Variants in FGF12 observed in about 807,000 individuals in gnomAD.
The protein encoded by FGF12 is fibroblast growth factor 12, also known as fibroblast growth factor 12B.
FGF12 carries 14 observed loss-of-function variants against 23.6 expected under a neutral mutation model. The ratio of observed to expected loss-of-function variants is 0.59; its 90% CI spans 0.39 to 0.93. The LOEUF (loss-of-function observed/expected upper bound fraction) is 0.93, where lower values mean the gene tolerates loss of function less well. Among genes scored for constraint, FGF12 ranks in the 40% least tolerant of loss-of-function variants. The pLI is 0.00. For missense variants in FGF12, 175 were observed against 217.8 expected (o/e 0.80, Z 1.24); for synonymous variants, 62 against 77.3 (o/e 0.80, Z 1.04).
intron 4 of FGF12, among the ~76,000 whole-genome samples, chr3:192,209,558 C>T (rs1028284694): frequency 6.6e-6 from 1 of 152,112 alleles, no homozygotes; most frequent in African/African-American, 2.4e-5. Flanking sequence ...TAAACATGCA[C>T]AAGATGAATT....
At chr3:192,623,225 C>A (rs998834081) in intron 2 of FGF12, among the ~76,000 whole-genome samples, 4 of 152,152 alleles carry the variant, frequency 2.6e-5, no homozygotes, top group Non-Finnish European at 4.4e-5. Context: ...GAAGTCAGTA[C>A]CAAATGGACT....
intron 2 of FGF12, among the ~76,000 whole-genome samples, chr3:192,628,442 TACAC>T (rs60991895): frequency 0.21 from 27,748 of 134,638 alleles, 3,100 homozygotes; most frequent in Admixed American, 0.37. Flanking sequence ...ACCAAAGGAA[TACAC>T]ACACACACAC....
In FGF12 at chr3:192,514,284, C is replaced by T. The variant is rs974446744; in HGVS notation, c.14-153746G>A. On this transcript the variant is annotated intron_variant, in intron 2 of 5. Coordinates refer to ENST00000445105, the MANE Select transcript of FGF12 (RefSeq NM_004113.6). The surrounding 1 kb of genome is among the most constrained non-coding windows in gnomAD (Gnocchi z 4.9). ...TTTAAAAGTCCCCTCTCCTGTGGAA[C>T]GCACGAGCAACTTTTCGGAGACACT... Among the ~76,000 whole-genome samples the T allele has an allele frequency of 6.6e-6, 1 of 152,250 alleles. No individual in the cohort carries two copies. The highest frequency in any genetic ancestry group is 2.4e-5 in the African/African-American group (1 of 41,470).
chr3:192,205,454 T>C (rs1484774683), intron 4 of FGF12, among the ~76,000 whole-genome samples: 1 of 152,148 alleles, frequency 6.6e-6, no homozygotes, highest in Non-Finnish European at 1.5e-5. Flanking sequence ...TCAATTCCCT[T>C]CCCTCCTTGT....
intron 2 of FGF12, among the ~76,000 whole-genome samples, chr3:192,690,809 G>A (rs375253056): frequency 1.2e-4 from 18 of 151,962 alleles, no homozygotes. Flanking sequence ...GCTGACATGA[G>A]ACTCATTTCA....
intron 4 of FGF12, among the ~76,000 whole-genome samples, chr3:192,250,524 TAA>T (rs1233467647): frequency 3.3e-5 from 5 of 152,130 alleles, no homozygotes; most frequent in African/African-American, 1.2e-4. Flanking sequence ...AAAAATATAT[TAA>T]GATTTAAATA....
rs139802642 is a variant in FGF12 at position 192,701,350 on chromosome 3, G to A, written c.13+25831C>T. ...AACGTATAAAACCAAGCCGTAGCCC[G>A]ACCACTCTGGGCACATGTTCTTGGT... On this transcript the variant is annotated intron_variant, in intron 2 of 5. Coordinates refer to ENST00000445105, the MANE Select transcript of FGF12 (RefSeq NM_004113.6). Among the ~76,000 whole-genome samples, 377 of 152,206 alleles carry A rather than the reference G, an allele frequency of 2.5e-3. 3 individuals are homozygous for A. The highest frequency in any genetic ancestry group is 8.7e-3 in the African/African-American group (361 of 41,522).
intron 2 of FGF12, among the ~76,000 whole-genome samples, chr3:192,553,319 A>G (rs1359357321): frequency 6.6e-6 from 1 of 152,204 alleles, no homozygotes; most frequent in African/African-American, 2.4e-5. Context: ...AGAAAAATAT[A>G]TAACAGCAAT....
rs1178176242 is a variant in FGF12, at chr3:192,158,350, CTT to C, written c.427+12106_427+12107del. Among the ~76,000 whole-genome samples the C allele has an allele frequency of 6.5e-3, 628 of 96,200 alleles. 9 individuals carry two copies. Among genetic ancestry groups the C allele is most frequent in the East Asian group, 0.037 (119 of 3,190 alleles). 63.1% of individuals were successfully genotyped at this position (96,200 alleles called of 152,430 possible). On this transcript the variant is annotated intron_variant, in intron 5 of 5. Transcript: ENST00000445105. The stretch of plus-strand genomic sequence containing the variant: ...TTTCTTTCTCTTTCTTTCTTTCTTT[CTT>C]TCTTTCTTTCTTTCTTTCTTTCTTT...
At chr3:192,333,588 T>C (rs903541741) in intron 4 of FGF12, among the ~76,000 whole-genome samples, 2 of 152,060 alleles carry the variant, frequency 1.3e-5, no homozygotes, top group Admixed American at 6.6e-5. Flanking sequence ...TATAGCATAT[T>C]TATAGTGTAA....
intron 2 of FGF12, among the ~76,000 whole-genome samples, chr3:192,524,947 T>C (rs1409927002): frequency 6.6e-6 from 1 of 152,176 alleles, no homozygotes; most frequent in East Asian, 1.9e-4. Flanking sequence ...CATTTTGTCC[T>C]AATGCTACAA....
chr3:192,569,677 A>G (rs1340677159), intron 2 of FGF12, among the ~76,000 whole-genome samples: 3 of 152,244 alleles, frequency 2.0e-5, no homozygotes, highest in Non-Finnish European at 4.4e-5. Context: ...AAATTGAGAT[A>G]TAGAGAAGTT....
At chr3:192,407,982 G>C in intron 2 of FGF12, 2 of 1,540,182 alleles carry the variant, frequency 1.3e-6, no homozygotes, top group Non-Finnish European at 1.7e-6. Flanking sequence ...GGGAGAAAGA[G>C]GGCGTCCCCT....
intron 2 of FGF12, among the ~76,000 whole-genome samples, chr3:192,422,418 T>G (rs1267711435): frequency 6.6e-6 from 1 of 152,192 alleles, no homozygotes; most frequent in Non-Finnish European, 1.5e-5. Context: ...AAGCATTTTC[T>G]GTCATCTTCC....
chr3:192,502,744 G>C (rs543588647), intron 2 of FGF12, among the ~76,000 whole-genome samples: 42 of 152,328 alleles, frequency 2.8e-4, no homozygotes, highest in Non-Finnish European at 4.7e-4. Context: ...GTTGGAATGG[G>C]AGCAGGAATT....
chr3:192,267,330 T>C (rs1713143301), intron 4 of FGF12, among the ~76,000 whole-genome samples: 1 of 152,146 alleles, frequency 6.6e-6, no homozygotes, highest in African/African-American at 2.4e-5. Context: ...CAAAATACAA[T>C]GTGCAAGGTA....
intron 2 of FGF12, among the ~76,000 whole-genome samples, chr3:192,562,153 G>T (rs77842906): frequency 2.0e-5 from 3 of 152,070 alleles, no homozygotes; most frequent in African/African-American, 4.8e-5. Context: ...AAATAGTATA[G>T]ACTGAAAAAA....
intron 2 of FGF12, among the ~76,000 whole-genome samples, chr3:192,593,561 A>G (rs1174707583): frequency 6.6e-6 from 1 of 151,974 alleles, no homozygotes; most frequent in Non-Finnish European, 1.5e-5. Context: ...TGTTTGTAGG[A>G]TGAGTGAATG....
intron 4 of FGF12, among the ~76,000 whole-genome samples, chr3:192,186,880 C>G (rs531658067): frequency 1.3e-5 from 2 of 152,328 alleles, no homozygotes; most frequent in South Asian, 2.1e-4. Context: ...TACCAACACA[C>G]TCAAACATAG....
Sources: allele counts gnomAD v4.1 joint callset (sites outside exome capture counted in the v4.1 genomes callset), GRCh38; gene constraint gnomAD v4.1.1; non-coding constraint Gnocchi (gnomAD v3.1); transcripts MANE v1.5; gene names NCBI Gene and HGNC (gene_info 2026-07-23, HGNC 2026-07-21).